The following LARGE1 variants were observed in gnomAD, a reference collection of about 807,000 sequenced individuals.
LARGE1 encodes LARGE xylosyl- and glucuronyltransferase 1, also known as xylosyl- and glucuronyltransferase LARGE1.
A neutral mutation model predicts 87.6 loss-of-function variants in LARGE1; 43 were observed. The ratio of observed to expected loss-of-function variants is 0.49; its 90% CI spans 0.38 to 0.63. The LOEUF (loss-of-function observed/expected upper bound fraction) is 0.63. Ranked by LOEUF, LARGE1 falls within the 30% of genes least tolerant of loss-of-function variation. The pLI is 0.00. For synonymous variants in LARGE1, 434 were observed against 394.6 expected, an observed-to-expected ratio of 1.10 and a Z score of -1.18; for missense variants, 802 against 1,000.2, an observed-to-expected ratio of 0.80 and a Z score of 2.67.
intron 11 of LARGE1, among the ~76,000 whole-genome samples, chr22:33,312,612 T>C (rs1005162141): frequency 6.6e-6 from 1 of 152,150 alleles, no homozygotes; most frequent in Non-Finnish European, 1.5e-5. Context: ...CCACTAATAT[T>C]GACTCAGAAT....
chr22:33,286,857 A>C (rs1931637106), intron 12 of LARGE1, among the ~76,000 whole-genome samples: 1 of 152,220 alleles, frequency 6.6e-6, no homozygotes, highest in South Asian at 2.1e-4. Context: ...CCTGCTAGAA[A>C]ATAATTCCCC....
At chr22:33,805,773 A>G (rs966927153) in intron 1 of LARGE1, among the ~76,000 whole-genome samples, 27 of 146,534 alleles carry the variant, frequency 1.8e-4, no homozygotes, top group African/African-American at 6.6e-4. Flanking sequence ...ATAAATAAAT[A>G]AATAAATAAA....
chr22:33,534,383 G>A (rs903770589), intron 6 of LARGE1, among the ~76,000 whole-genome samples: 12 of 151,058 alleles, frequency 7.9e-5, no homozygotes, highest in African/African-American at 2.2e-4. Flanking sequence ...CAACCTGGGC[G>A]ACAGAGCAAG....
the LARGE1 span, among the ~76,000 whole-genome samples, chr22:33,089,491 T>C: frequency 1.3e-5 from 2 of 151,104 alleles, no homozygotes; most frequent in East Asian, 1.9e-4. Flanking sequence ...CCTCTTCCTC[T>C]TCTTCTCCTC....
downstream of LARGE1, among the ~76,000 whole-genome samples, chr22:33,267,884 G>A (rs1362795300): frequency 6.6e-6 from 1 of 151,478 alleles, no homozygotes; most frequent in Non-Finnish European, 1.5e-5. Context: ...ATAATCTTTG[G>A]GGAGGGTGAA....
intron 11 of LARGE1, among the ~76,000 whole-genome samples, chr22:33,218,758 C>T (rs1925325829): frequency 6.6e-6 from 1 of 152,192 alleles, no homozygotes; most frequent in African/African-American, 2.4e-5. Context: ...TTTAGAGACT[C>T]AGCCAAGTTT....
At chr22:33,168,619 T>C (rs538537548) in intron 11 of LARGE1, among the ~76,000 whole-genome samples, 63 of 152,240 alleles carry the variant, frequency 4.1e-4, no homozygotes, top group Non-Finnish European at 7.8e-4. Context: ...ATGCATGCCA[T>C]CTCTTTTAAT....
rs144093373 is a variant in LARGE1, at chr22:33,731,505, T to A, written c.106+29866A>T. 2.6e-5 allele frequency among the ~76,000 whole-genome samples: 4 copies of A among 152,254 alleles called. No individual in the cohort carries two copies. In the East Asian group the frequency reaches 7.7e-4, roughly 29 times the overall value. ...AAAAAGATGCCATACTCAAACTGGG[T>A]AATTTGAAGAGCGTGTAATAACAGA... On this transcript the variant is annotated intron_variant, in intron 2 of 14. Transcript: ENST00000397394.
At chr22:33,752,153 T>C (rs1012394561) in intron 2 of LARGE1, among the ~76,000 whole-genome samples, 2 of 152,196 alleles carry the variant, frequency 1.3e-5, no homozygotes, top group Non-Finnish European at 2.9e-5. Flanking sequence ...ATAACGCTGA[T>C]GTGAGCACTC....
intron 9 of LARGE1, among the ~76,000 whole-genome samples, chr22:33,375,997 G>C (rs901296622): frequency 1.3e-5 from 2 of 152,152 alleles, no homozygotes; most frequent in African/African-American, 4.8e-5. Context: ...ATTTATTTTA[G>C]AAACAAATTT....
At chr22:33,437,099 A>C (rs2267207) in intron 6 of LARGE1, among the ~76,000 whole-genome samples, 29,840 of 152,130 alleles carry the variant, frequency 0.2, 3,169 homozygotes, top group Admixed American at 0.31. Flanking sequence ...AGTAATTTGC[A>C]TTGAAATAAA....
intron 2 of LARGE1, among the ~76,000 whole-genome samples, chr22:33,748,023 G>GAA (rs2084158889): frequency 8.3e-5 from 2 of 24,180 alleles, no homozygotes; most frequent in African/African-American, 8.0e-4. Flanking sequence ...CTCTGCTGGA[G>GAA]CAAAAAAAAA....
At chr22:33,805,767 ATAAATAAAT>A in intron 1 of LARGE1, among the ~76,000 whole-genome samples, 1 of 151,690 alleles carries the variant, frequency 6.6e-6, no homozygotes, top group East Asian at 1.9e-4. Flanking sequence ...AAATGAATAA[ATAAATAAAT>A]AAATAAATAA....
intron 2 of LARGE1, among the ~76,000 whole-genome samples, chr22:33,672,201 C>T (rs2081436912): frequency 6.6e-6 from 1 of 152,150 alleles, no homozygotes; most frequent in Non-Finnish European, 1.5e-5. Flanking sequence ...GACAGGTACC[C>T]ACGTGTCTCT....
chr22:33,308,654 T>C (rs541609304), intron 11 of LARGE1, among the ~76,000 whole-genome samples: 232 of 152,204 alleles, frequency 1.5e-3, no homozygotes, highest in South Asian at 3.9e-3. Flanking sequence ...CCATGTGAAC[T>C]AGCCCTACAC....
At chr22:33,287,704 G>A (rs1414060960) in intron 12 of LARGE1, among the ~76,000 whole-genome samples, 1 of 152,196 alleles carries the variant, frequency 6.6e-6, no homozygotes, top group Non-Finnish European at 1.5e-5. Flanking sequence ...TCCTGCAGAG[G>A]ATAGAATGCA....
At chr22:33,821,865 T>A (rs1229584399) in intron 1 of LARGE1, among the ~76,000 whole-genome samples, 2 of 151,054 alleles carry the variant, frequency 1.3e-5, no homozygotes, top group Non-Finnish European at 2.9e-5. Context: ...CCTGCCCAAG[T>A]GCATTAAAAA....
rs989692776 is a variant in LARGE1 at position 33,911,121 on chromosome 22, G to A, written c.-83+8874C>T. Among the ~76,000 whole-genome samples, 6 of 152,182 alleles carry A rather than the reference G, an allele frequency of 3.9e-5. No individual in the cohort carries two copies. The East Asian group carries it at 1.2e-3, about 29-fold the overall frequency. ...GAGTGCCTGGCACAAAAGAAACACTGGAAGAACGTGCTTTGGGTGCAGATT... is the reference window on the plus strand; with the variant it reads ...GAGTGCCTGGCACAAAAGAAACACTAGAAGAACGTGCTTTGGGTGCAGATT... On this transcript the variant is annotated intron_variant, in intron 1 of 14. Coordinates refer to ENST00000397394, the MANE Select transcript of LARGE1 (RefSeq NM_133642.5).
rs563550357 is a variant in LARGE1, at chr22:33,304,667, C to T, written c.1452-160G>A. 4.6e-5 allele frequency among the ~76,000 whole-genome samples: 7 copies of T among 152,348 alleles called. No individual in the cohort carries two copies. The East Asian group carries it at 1.4e-3, about 29-fold the overall frequency. ...TCACTCAGTTCCTTTACCTATAAAA[C>T]AGGCATCAAAACACTTACCTTGCTG... is the stretch of plus-strand genomic sequence containing the variant. On this transcript the variant is annotated intron_variant, in intron 11 of 14. Transcript: ENST00000397394.
Sources: allele counts gnomAD v4.1 joint callset (sites outside exome capture counted in the v4.1 genomes callset), GRCh38; gene constraint gnomAD v4.1.1; transcripts MANE v1.5; gene names NCBI Gene and HGNC (gene_info 2026-07-23, HGNC 2026-07-21).